The following KCND2 variants were observed in gnomAD, a reference collection of about 807,000 sequenced individuals.
KCND2 encodes the protein potassium voltage-gated channel subfamily D member 2.
Under a neutral mutation model 54.4 loss-of-function variants are expected in KCND2, and 16 were observed. The observed-to-expected ratio is 0.29, with a 90% confidence interval of 0.20 to 0.45. The LOEUF is 0.45. Ranked by LOEUF, KCND2 falls within the 20% of genes least tolerant of loss-of-function variation. The pLI, the probability that KCND2 is intolerant of heterozygous loss-of-function variation, is 1.00. For synonymous variants in KCND2, 317 were observed against 310.7 expected, an observed-to-expected ratio of 1.02 and a Z score of -0.21; for missense variants, 486 against 824.2, an observed-to-expected ratio of 0.59 and a Z score of 5.02.
At chr7:120,700,236 G>A (rs1792383606) in intron 1 of KCND2, among the ~76,000 whole-genome samples, 1 of 152,178 alleles carries the variant, frequency 6.6e-6, no homozygotes, top group South Asian at 2.1e-4. Context: ...GAGGGTTACT[G>A]TTTAATGGCA....
intron 1 of KCND2, among the ~76,000 whole-genome samples, chr7:120,726,832 C>T (rs899455136): frequency 1.3e-5 from 2 of 152,156 alleles, no homozygotes; most frequent in African/African-American, 2.4e-5. Context: ...AGGATCTGTT[C>T]ATTCATTCTA....
intron 1 of KCND2, among the ~76,000 whole-genome samples, chr7:120,728,021 C>T (rs1792756406): frequency 6.6e-6 from 1 of 150,964 alleles, no homozygotes; most frequent in Non-Finnish European, 1.5e-5. Flanking sequence ...GTAATCCCAG[C>T]TACTCAGAAG....
chr7:120,532,865 A>G (rs1432435362), intron 1 of KCND2, among the ~76,000 whole-genome samples: 1 of 152,038 alleles, frequency 6.6e-6, no homozygotes, highest in Non-Finnish European at 1.5e-5. Context: ...TAAAATGAAG[A>G]TATAAGATAA....
chr7:120,471,895 A>G (rs969247872), intron 1 of KCND2, among the ~76,000 whole-genome samples: 1 of 152,038 alleles, frequency 6.6e-6, no homozygotes, highest in African/African-American at 2.4e-5. Flanking sequence ...ACAAATTTTT[A>G]GAGGGGTGAT....
intron 1 of KCND2, among the ~76,000 whole-genome samples, chr7:120,292,748 G>A (rs1799452889): frequency 6.6e-6 from 1 of 151,892 alleles, no homozygotes; most frequent in Admixed American, 6.6e-5. Context: ...AGGTTAAACT[G>A]AAATTGTTTT....
intron 2 of KCND2, among the ~76,000 whole-genome samples, chr7:120,737,099 C>A (rs113126275): frequency 0.046 from 4,845 of 106,300 alleles, 259 homozygotes; most frequent in African/African-American, 0.13. Flanking sequence ...AAAAACAAAA[C>A]AAAAAACAGA....
intron 1 of KCND2, among the ~76,000 whole-genome samples, chr7:120,371,938 G>C (rs1402377153): frequency 6.6e-6 from 1 of 151,842 alleles, no homozygotes; most frequent in Non-Finnish European, 1.5e-5. Flanking sequence ...CTGGTGTTAA[G>C]CAACATATAA....
In KCND2 at chr7:120,275,610, C is replaced by T. The variant is rs1554421107; in HGVS notation, c.978C>T (p.Phe326=). The T allele has an allele frequency of 6.2e-7, 1 of 1,612,092 alleles. No homozygotes were observed. The highest frequency in any genetic ancestry group is 1.7e-5 in the Admixed American group (1 of 60,012). ...AGAGTTGTGCCTCAGAATTGGGCTT[C>T]TTGCTTTTCTCGCTCACCATGGCTA... The part of the protein sequence containing the change: ...TLKSCASELG[F]LLFSLTMAII... Residue 326 remains phenylalanine, a synonymous_variant, in exon 1 of 6, where the codon TTC becomes TTT. Transcript: ENST00000331113.
chr7:120,535,736 C>G (rs1345091079), intron 1 of KCND2, among the ~76,000 whole-genome samples: 2 of 152,066 alleles, frequency 1.3e-5, no homozygotes, highest in African/African-American at 4.8e-5. Context: ...ACAAAAGGGG[C>G]AACCGTTCTA....
chr7:120,319,075 C>G (rs1278071368), intron 1 of KCND2, among the ~76,000 whole-genome samples: 1 of 152,064 alleles, frequency 6.6e-6, no homozygotes, highest in Non-Finnish European at 1.5e-5. Flanking sequence ...CCTTCCCTAT[C>G]ATAGTTTTAC....
At chr7:120,645,614 G>A (rs1160695391) in intron 1 of KCND2, among the ~76,000 whole-genome samples, 1 of 152,098 alleles carries the variant, frequency 6.6e-6, no homozygotes, top group Non-Finnish European at 1.5e-5. Context: ...TTTCATGGCT[G>A]GCCACATGAC....
chr7:120,608,954 T>C (rs759242624), intron 1 of KCND2, among the ~76,000 whole-genome samples: 2 of 152,102 alleles, frequency 1.3e-5, no homozygotes, highest in African/African-American at 2.4e-5. Context: ...ATTCCTCCTA[T>C]GGAGTCAGGT....
At chr7:120,313,027 G>A (rs1190585174) in intron 1 of KCND2, among the ~76,000 whole-genome samples, 1 of 152,186 alleles carries the variant, frequency 6.6e-6, no homozygotes, top group African/African-American at 2.4e-5. Context: ...TTCCATTGCA[G>A]GAATCCGATG....
intron 1 of KCND2, among the ~76,000 whole-genome samples, chr7:120,377,957 T>C (rs2116018114): frequency 6.6e-6 from 1 of 152,044 alleles, no homozygotes; most frequent in East Asian, 1.9e-4. Flanking sequence ...ACTAAAGCAA[T>C]TAAATTATTG....
intron 1 of KCND2, among the ~76,000 whole-genome samples, chr7:120,729,074 G>A (rs1792773146): frequency 6.6e-6 from 1 of 152,144 alleles, no homozygotes; most frequent in South Asian, 2.1e-4. Context: ...GGTGTATAAT[G>A]CTGTTTTGCT....
intron 1 of KCND2, among the ~76,000 whole-genome samples, chr7:120,453,949 T>C (rs1235641859): frequency 1.3e-5 from 2 of 151,984 alleles, no homozygotes; most frequent in African/African-American, 4.8e-5. Flanking sequence ...CCAGGCATGG[T>C]AGTGGGTGCC....
intron 1 of KCND2, among the ~76,000 whole-genome samples, chr7:120,300,713 T>C (rs1201578007): frequency 6.6e-6 from 1 of 152,100 alleles, no homozygotes; most frequent in Non-Finnish European, 1.5e-5. Context: ...ATCTAGACAC[T>C]TAACATCTCT....
chr7:120,296,648 C>T (rs1799517380), intron 1 of KCND2, among the ~76,000 whole-genome samples: 1 of 151,938 alleles, frequency 6.6e-6, no homozygotes, highest in Non-Finnish European at 1.5e-5. Flanking sequence ...CTCATTACAG[C>T]AATTGGAAAG....
intron 1 of KCND2, among the ~76,000 whole-genome samples, chr7:120,356,359 T>C (rs575049870): frequency 5.9e-5 from 9 of 152,188 alleles, no homozygotes; most frequent in African/African-American, 1.7e-4. Flanking sequence ...CTGCTGAGAG[T>C]GTAGCTACTA....
Sources: gnomAD v4.1 joint callset for allele counts (sites outside exome capture counted in the v4.1 genomes callset) on GRCh38, gnomAD v4.1.1 for gene constraint, MANE v1.5 for transcripts, NCBI Gene and HGNC (gene_info 2026-07-23, HGNC 2026-07-21) for gene names.